The following WHR1 variants were observed in gnomAD, a reference collection of about 807,000 sequenced individuals.
WHR1 encodes the protein winged helix repair factor 1, also known as MHC class III HLA-RP1.
chr6:31,975,069 T>TA, the WHR1 span, among the ~76,000 whole-genome samples: 1 of 152,246 alleles, frequency 6.6e-6, no homozygotes, highest in African/African-American at 2.4e-5. Context: ...AGCAGATACC[T>TA]ATCTAGCCAC....
the WHR1 span, chr6:31,971,815 C>A: frequency 7.6e-7 from 1 of 1,312,516 alleles, no homozygotes. This position sits in a 1 kb window ranked among gnomAD's most constrained non-coding sequence, Gnocchi z 4.5. Flanking sequence ...GACGCCACCG[C>A]GGCCAAGCTC....
the WHR1 span, chr6:31,972,823 T>G: frequency 6.3e-7 from 1 of 1,589,182 alleles, no homozygotes; most frequent in Non-Finnish European, 8.5e-7. This position sits in a 1 kb window ranked among gnomAD's most constrained non-coding sequence, Gnocchi z 6.3. Context: ...TGTCACTCAG[T>G]CACTCCGCCA....
chr6:31,980,529 C>G, the WHR1 span: 1 of 1,612,988 alleles, frequency 6.2e-7, no homozygotes, highest in Non-Finnish European at 8.5e-7. Flanking sequence ...CTGGGAGATT[C>G]ATCAAGTACT....
At chr6:31,972,583 C>T in the WHR1 span, 2 of 1,598,358 alleles carry the variant, frequency 1.3e-6, no homozygotes, top group Non-Finnish European at 1.7e-6. This position sits in a 1 kb window ranked among gnomAD's most constrained non-coding sequence, Gnocchi z 6.3. Context: ...CGCGTCCCCG[C>T]CCCAGTTCCC....
chr6:31,977,511 G>GT, the WHR1 span, among the ~76,000 whole-genome samples: 1,637 of 143,614 alleles, frequency 0.011, 13 homozygotes, highest in Middle Eastern at 0.088. Context: ...CTGGCTAATT[G>GT]TTTTTTTTTT....
chr6:31,972,598 C>T, the WHR1 span: 3 of 1,600,130 alleles, frequency 1.9e-6, no homozygotes, highest in African/African-American at 1.3e-5. This position sits in a 1 kb window ranked among gnomAD's most constrained non-coding sequence, Gnocchi z 6.3. Context: ...GTTCCCTGTC[C>T]GTGAGCCGAT....
chr6:31,976,903 G>A, the WHR1 span, among the ~76,000 whole-genome samples: 7 of 152,230 alleles, frequency 4.6e-5, no homozygotes, highest in Admixed American at 3.3e-4. Flanking sequence ...AACCAGTCAG[G>A]CGTGGCGGCG....
chr6:31,976,884 A>C, the WHR1 span, among the ~76,000 whole-genome samples: 4 of 152,168 alleles, frequency 2.6e-5, no homozygotes. Context: ...TCCACTAACA[A>C]AATACGAAAA....
the WHR1 span, chr6:31,980,267 G>A: frequency 1.8e-6 from 1 of 555,278 alleles, no homozygotes; most frequent in East Asian, 2.9e-5. Flanking sequence ...CCTGGAACAA[G>A]CAACTGCACC....
chr6:31,979,646 A>C, the WHR1 span: 62 of 1,513,108 alleles, frequency 4.1e-5, no homozygotes, highest in East Asian at 2.3e-5. Flanking sequence ...TTTTTGGTGA[A>C]CCTGCCAGAA....
At chr6:31,976,648 C>T in the WHR1 span, among the ~76,000 whole-genome samples, 14 of 152,304 alleles carry the variant, frequency 9.2e-5, no homozygotes, top group Admixed American at 3.9e-4. Flanking sequence ...GGGTGGCGGC[C>T]GGGCAGAGGC....
the WHR1 span, chr6:31,971,841 C>G: frequency 7.4e-7 from 1 of 1,347,940 alleles, no homozygotes; most frequent in Non-Finnish European, 9.9e-7. This position sits in a 1 kb window ranked among gnomAD's most constrained non-coding sequence, Gnocchi z 4.5. Flanking sequence ...CTGCCTCTTT[C>G]CTTGCCCTTC....
the WHR1 span, among the ~76,000 whole-genome samples, chr6:31,976,269 C>T: frequency 2.6e-5 from 4 of 151,234 alleles, no homozygotes; most frequent in African/African-American, 9.7e-5. Context: ...GGGCTGACCC[C>T]CCCACCTCCC....
the WHR1 span, chr6:31,971,865 C>T: frequency 7.0e-7 from 1 of 1,419,518 alleles, no homozygotes; most frequent in Admixed American, 2.5e-5. This position sits in a 1 kb window ranked among gnomAD's most constrained non-coding sequence, Gnocchi z 4.5. Context: ...CACCCTCCCT[C>T]CAGGTCCTCC....
chr6:31,972,042 C>G, the WHR1 span: 1 of 1,611,540 alleles, frequency 6.2e-7, no homozygotes, highest in Non-Finnish European at 8.5e-7. This position sits in a 1 kb window ranked among gnomAD's most constrained non-coding sequence, Gnocchi z 6.3. Flanking sequence ...CATTCAGCGA[C>G]AGTGGCGGGC....
chr6:31,974,348 T>C, the WHR1 span, among the ~76,000 whole-genome samples: 1 of 149,788 alleles, frequency 6.7e-6, no homozygotes, highest in South Asian at 2.1e-4. Flanking sequence ...TTTGAGAAAG[T>C]GAAGTAGTTG....
the WHR1 span, chr6:31,972,377 C>T: frequency 6.2e-7 from 1 of 1,613,090 alleles, no homozygotes; most frequent in Non-Finnish European, 8.5e-7. This position sits in a 1 kb window ranked among gnomAD's most constrained non-coding sequence, Gnocchi z 6.3. Flanking sequence ...TCCCTCCATT[C>T]CTACCCCTTC....
At chr6:31,971,203 C>T in the WHR1 span, 5 of 1,582,430 alleles carry the variant, frequency 3.2e-6, no homozygotes, top group Non-Finnish European at 4.3e-6. The surrounding 1 kb of genome is among the most constrained non-coding windows in gnomAD (Gnocchi z 4.5). Flanking sequence ...TGAGATGCTC[C>T]CCTCGAAGAA....
chr6:31,979,708 TTCC>T, the WHR1 span: 1 of 977,646 alleles, frequency 1.0e-6, no homozygotes, highest in South Asian at 1.7e-5. Context: ...CAAGTTTGTA[TTCC>T]TCCCCACAAG....
Sources: gnomAD v4.1 joint callset for allele counts (sites outside exome capture counted in the v4.1 genomes callset) on GRCh38, gnomAD v4.1.1 for gene constraint, Gnocchi (gnomAD v3.1) non-coding constraint, MANE v1.5 for transcripts, NCBI Gene and HGNC (gene_info 2026-07-23, HGNC 2026-07-21) for gene names.